Variants in CDC42BPB observed in about 807,000 individuals in gnomAD.
The protein encoded by CDC42BPB is CDC42 binding protein kinase beta.
In CDC42BPB, 37 loss-of-function variants were observed where a neutral mutation model predicts 214.9. That is an observed-to-expected ratio of 0.17 (90% confidence interval 0.13 to 0.23). The LOEUF is 0.23. Among genes scored for constraint, CDC42BPB ranks in the 10% least tolerant of loss-of-function variants. The probability of loss-of-function intolerance (pLI) is 1.00; values close to 1 mark genes in which losing one functional copy is unlikely to be tolerated. For missense variants in CDC42BPB, 1,694 were observed against 2,227.0 expected, an observed-to-expected ratio of 0.76 and a Z score of 4.82; for synonymous variants, 931 against 884.0, an observed-to-expected ratio of 1.05 and a Z score of -0.94.
rs1221606316 is a variant in CDC42BPB at position 103,057,169 on chromosome 14, G to A, written c.5C>T (p.Ser2Leu). M[S>L]AKVRLKKLEQ... Reference sequence around the variant, plus strand: ...CAGCTTCTTGAGCCGCACCTTGGCCGACATGGTGCCGCGCGGCCCGCTCCC... The same window carrying A: ...CAGCTTCTTGAGCCGCACCTTGGCCAACATGGTGCCGCGCGGCCCGCTCCC... The change falls in exon 1 of 37, where the codon TCG (serine) becomes TTG (leucine). Residue 2 changes from serine to leucine, a missense_variant. Coordinates refer to ENST00000361246, the MANE Select transcript of CDC42BPB (RefSeq NM_006035.4). 5.5e-6 allele frequency: 8 copies of A among 1,454,740 alleles called. No homozygotes were observed. Among genetic ancestry groups the A allele is most frequent in the South Asian group, 1.3e-5 (1 of 75,912 alleles). The allele number at this position is 1,454,740 out of a possible 1,614,324, so 90.1% of individuals were successfully genotyped here. A position where few individuals can be genotyped will look rare whatever the true frequency, so the allele number is the denominator to read the frequency against.
In CDC42BPB at chr14:102,944,727, G is replaced by A. The variant is rs1892072015; in HGVS notation, c.3812-240C>T. ...CGCTCCTGGGGCAGCCTCGGGGGCTGGTCCAAAGGCTCCTCTGCCTCTGCT... is the reference window on the plus strand; with the variant it reads ...CGCTCCTGGGGCAGCCTCGGGGGCTAGTCCAAAGGCTCCTCTGCCTCTGCT... On this transcript the variant is annotated intron_variant, in intron 29 of 36. Coordinates refer to ENST00000361246, the MANE Select transcript of CDC42BPB (RefSeq NM_006035.4). The surrounding 1 kb of genome is among the most constrained non-coding windows in gnomAD (Gnocchi z 6.6). 2 of 940,802 alleles carry A rather than the reference G, an allele frequency of 2.1e-6. No individual in the cohort carries two copies. Among genetic ancestry groups the A allele is most frequent in the Non-Finnish European group, 2.5e-6 (2 of 789,552 alleles). The allele number at this position is 940,802 out of a possible 1,614,324, so 58.3% of individuals were successfully genotyped here.
rs34433172 is a variant in CDC42BPB, at chr14:102,946,224, C to T, written c.3748+244G>A. ...TTTTTTAGCAGAGACAGGGTTTCACCGTGTTAGCCAGGATGGTCTCAACCT... is the reference window on the plus strand; with the variant it reads ...TTTTTTAGCAGAGACAGGGTTTCACTGTGTTAGCCAGGATGGTCTCAACCT... On this transcript the variant is annotated intron_variant, in intron 28 of 36. Transcript: ENST00000361246. Among the ~76,000 whole-genome samples, 735 of 152,018 alleles carry T rather than the reference C, an allele frequency of 4.8e-3. 3 individuals carry two copies. Among genetic ancestry groups the T allele is most frequent in the African/African-American group, 9.4e-3 (389 of 41,408 alleles).
chr14:102,937,233 TA>T (rs1306331894), intron 36 of CDC42BPB: 1 of 152,438 alleles, frequency 6.6e-6, no homozygotes, highest in African/African-American at 2.4e-5. Context: ...GAGCGTTCTG[TA>T]AAGTAACAGC....
At chr14:103,020,676 G>C (rs1039314321) in intron 1 of CDC42BPB, among the ~76,000 whole-genome samples, 2 of 152,212 alleles carry the variant, frequency 1.3e-5, no homozygotes, top group East Asian at 1.9e-4. Context: ...CCGTGAGAGA[G>C]AGAGCACAGG....
intron 1 of CDC42BPB, among the ~76,000 whole-genome samples, chr14:103,031,984 A>T (rs1305567257): frequency 1.4e-5 from 2 of 144,900 alleles, no homozygotes; most frequent in East Asian, 1.9e-4. Context: ...TATTATTATT[A>T]TTATTATTTT....
intron 1 of CDC42BPB, among the ~76,000 whole-genome samples, chr14:103,023,886 C>T (rs1886906876): frequency 6.6e-6 from 1 of 152,170 alleles, no homozygotes; most frequent in Admixed American, 6.5e-5. Context: ...AAAGGCAGCA[C>T]ACAGTGCAGG....
rs188670768 is a variant in CDC42BPB, at chr14:102,965,816, T to C, written c.2577+466A>G. 5.2e-3 allele frequency among the ~76,000 whole-genome samples: 787 copies of C among 152,200 alleles called. 5 individuals are homozygous for C. The highest frequency in any genetic ancestry group is 9.0e-3 in the Non-Finnish European group (611 of 67,994). ...TACTAAAATACAAAAATGAGCCAGG[T>C]GTAGCGGCACACGCCTGTAATCCCA... is the stretch of plus-strand genomic sequence containing the variant. On this transcript the variant is annotated intron_variant, in intron 18 of 36. Transcript: ENST00000361246.
intron 13 of CDC42BPB, 113 bp from the exon 14 acceptor site, chr14:102,970,374 G>C (rs755333859): frequency 4.0e-4 from 577 of 1,444,000 alleles, no homozygotes; most frequent in Non-Finnish European, 5.1e-4. Flanking sequence ...CTCTGCGCGT[G>C]TTCACCCTTC....
At chr14:102,941,263 C>T (rs1234606280) in intron 30 of CDC42BPB, 9 of 985,472 alleles carry the variant, frequency 9.1e-6, no homozygotes, top group Non-Finnish European at 9.6e-6. Flanking sequence ...GTGCTCCTTC[C>T]TGGCTCTTCT....
chr14:102,995,716 G>A (rs1894697195), intron 5 of CDC42BPB, among the ~76,000 whole-genome samples: 1 of 152,230 alleles, frequency 6.6e-6, no homozygotes, highest in African/African-American at 2.4e-5. Context: ...CTAACCCCAG[G>A]AAGGGGCCCA....
Position 102,943,701 on chromosome 14 carries a change from T to G in CDC42BPB, c.4408+190A>C. 1 of 583,832 alleles carries G rather than the reference T, an allele frequency of 1.7e-6. No individual in the cohort carries two copies. The highest frequency in any genetic ancestry group is 1.9e-5 in the African/African-American group (1 of 53,642). 36.2% of individuals were successfully genotyped at this position (583,832 alleles called of 1,614,324 possible). A position where few individuals can be genotyped will look rare whatever the true frequency, so the allele number is the denominator to read the frequency against. ...AGGGAGAGAGGTTGCTGAGCCCGCC[T>G]ACTGCTGGTCTGAGACGTGAGATCT... On this transcript the variant is annotated intron_variant, in intron 30 of 36. Transcript: ENST00000361246. The surrounding 1 kb of genome is among the most constrained non-coding windows in gnomAD (Gnocchi z 4.6).
chr14:102,973,926 C>T, intron 12 of CDC42BPB, 90 bp downstream of exon 12: 2 of 1,463,336 alleles, frequency 1.4e-6, no homozygotes, highest in Non-Finnish European at 1.8e-6. Flanking sequence ...GCAGGAGTCC[C>T]AAGAGGTCTT....
chr14:102,976,310 C>T, intron 9 of CDC42BPB: 1 of 616,332 alleles, frequency 1.6e-6, no homozygotes, highest in Non-Finnish European at 2.0e-6. Context: ...TCATCCCCCA[C>T]ACTTAACTAT....
intron 1 of CDC42BPB, among the ~76,000 whole-genome samples, chr14:103,053,579 G>T (rs576588903): frequency 6.6e-6 from 1 of 151,318 alleles, no homozygotes; most frequent in Non-Finnish European, 1.5e-5. Flanking sequence ...GGCTAACACG[G>T]TGAAACCCCG....
intron 17 of CDC42BPB, chr14:102,966,603 G>T: frequency 1.3e-6 from 1 of 755,336 alleles, no homozygotes; most frequent in Non-Finnish European, 1.6e-6. Flanking sequence ...AAACTTCCAA[G>T]ACTCAAGAAT....
chr14:102,966,477 C>G, intron 17 of CDC42BPB, 90 bp from the exon 18 acceptor site: 2 of 1,542,998 alleles, frequency 1.3e-6, no homozygotes, highest in Non-Finnish European at 1.8e-6. Context: ...TTCCTCGGCA[C>G]ACAGTGACAC....
intron 5 of CDC42BPB, among the ~76,000 whole-genome samples, chr14:102,992,576 C>T (rs1894542735): frequency 1.3e-5 from 2 of 152,126 alleles, no homozygotes; most frequent in Non-Finnish European, 2.9e-5. Flanking sequence ...CCTGTGCTCA[C>T]GTCACACGCT....
intron 1 of CDC42BPB, among the ~76,000 whole-genome samples, chr14:103,026,285 G>A (rs1488145265): frequency 6.6e-6 from 1 of 151,994 alleles, no homozygotes; most frequent in Non-Finnish European, 1.5e-5. Flanking sequence ...CAGCTACTCA[G>A]GAGACTGAGG....
At chr14:102,991,570 G>T (rs990747635) in intron 5 of CDC42BPB, among the ~76,000 whole-genome samples, 1 of 152,204 alleles carries the variant, frequency 6.6e-6, no homozygotes, top group Non-Finnish European at 1.5e-5. Flanking sequence ...CATGAGTAGT[G>T]TAAGTAAGAA....
Sources: allele counts gnomAD v4.1 joint callset (sites outside exome capture counted in the v4.1 genomes callset), GRCh38; gene constraint gnomAD v4.1.1; non-coding constraint Gnocchi (gnomAD v3.1); transcripts MANE v1.5; gene names NCBI Gene and HGNC (gene_info 2026-07-23, HGNC 2026-07-21).